The following TNIK variants were observed in gnomAD, a reference collection of about 807,000 sequenced individuals.
TNIK encodes TRAF2 and NCK interacting kinase.
Under a neutral mutation model 191.3 loss-of-function variants are expected in TNIK, and 49 were observed. The observed-to-expected ratio is 0.26, with a 90% CI of 0.20 to 0.32. The LOEUF is 0.32. Ranked by LOEUF, TNIK falls within the 10% of genes least tolerant of loss-of-function variation. The pLI is 1.00. For synonymous variants in TNIK, 594 were observed against 600.9 expected, an observed-to-expected ratio of 0.99 and a Z score of 0.17; for missense variants, 1,155 against 1,702.3, an observed-to-expected ratio of 0.68 and a Z score of 5.66.
At chr3:171,433,937 C>CTTTTTTTTTTTTTTTTT in intron 1 of TNIK, among the ~76,000 whole-genome samples, 1 of 71,114 alleles carries the variant, frequency 1.4e-5, no homozygotes, top group Non-Finnish European at 2.5e-5. Context: ...TTTCTTTTTC[C>CTTTTTTTTTTTTTTTTT]TTTTTTTTTT....
chr3:171,400,572 C>CAATAAGTAAATAAATAAATA (rs1553770009), intron 1 of TNIK, among the ~76,000 whole-genome samples: 1 of 145,744 alleles, frequency 6.9e-6, no homozygotes, highest in Non-Finnish European at 1.5e-5. Flanking sequence ...TCCTATCTCA[C>CAATAAGTAAATAAATAAATA]AATAAATAAA....
intron 18 of TNIK, among the ~76,000 whole-genome samples, chr3:171,117,736 C>T (rs150705749): frequency 0.02 from 3,092 of 152,078 alleles, 109 homozygotes; most frequent in African/African-American, 0.071. Context: ...TTTGGGAGGC[C>T]GAGACAGGTG....
At chr3:171,228,250 T>G in intron 2 of TNIK, 29 bp from the exon 3 acceptor site, 1 of 1,612,754 alleles carries the variant, frequency 6.2e-7, no homozygotes, top group Non-Finnish European at 8.5e-7. Context: ...AACAAAAGAT[T>G]TAGTTCTGAT....
rs576490802 is a variant in TNIK, at chr3:171,087,284, T to G, written c.2886+58A>C. ...AGCCTCATTCTTGAAGAGATCATGG[T>G]TTTAGAACCCCAGGAAGGACAGCAG... On this transcript the variant is annotated intron_variant, in intron 24 of 32. Coordinates refer to ENST00000436636, the MANE Select transcript of TNIK (RefSeq NM_015028.4). The G allele has an allele frequency of 2.9e-5, 46 of 1,603,314 alleles. No individual in the cohort carries two copies. In the African/African-American group the frequency reaches 5.3e-4, roughly 19 times the overall value.
intron 4 of TNIK, among the ~76,000 whole-genome samples, chr3:171,197,641 T>G (rs889767301): frequency 6.6e-6 from 1 of 152,216 alleles, no homozygotes; most frequent in East Asian, 1.9e-4. Context: ...TGGCTAACAA[T>G]GACATGTAGA....
At chr3:171,194,215 C>G (rs2108844356) in intron 5 of TNIK, among the ~76,000 whole-genome samples, 1 of 152,208 alleles carries the variant, frequency 6.6e-6, no homozygotes, top group East Asian at 1.9e-4. Flanking sequence ...TCTTTATGAT[C>G]TAAAATCAGG....
At chr3:171,180,801 A>C (rs772429777) in intron 7 of TNIK, among the ~76,000 whole-genome samples, 2 of 152,178 alleles carry the variant, frequency 1.3e-5, no homozygotes, top group Admixed American at 6.5e-5. Flanking sequence ...TTGAGTATTC[A>C]CCATTTTTCC....
At chr3:171,209,112 T>C (rs1363128328) in intron 4 of TNIK, among the ~76,000 whole-genome samples, 1 of 140,612 alleles carries the variant, frequency 7.1e-6, no homozygotes, top group African/African-American at 2.6e-5. Flanking sequence ...CCAACTGCCC[T>C]TAAGTTGGAC....
intron 18 of TNIK, among the ~76,000 whole-genome samples, chr3:171,113,343 C>T (rs150065112): frequency 9.9e-4 from 150 of 152,202 alleles, no homozygotes; most frequent in African/African-American, 3.0e-3. Context: ...CGGTGGCTCA[C>T]GCCTGTAATC....
chr3:171,100,394 G>A (rs1348958013), intron 22 of TNIK, among the ~76,000 whole-genome samples: 2 of 152,138 alleles, frequency 1.3e-5, no homozygotes, highest in African/African-American at 2.4e-5. Context: ...AGAATCGCTT[G>A]TATGTAATGA....
At chr3:171,142,248 C>A (rs1401797179) in intron 12 of TNIK, among the ~76,000 whole-genome samples, 2 of 152,174 alleles carry the variant, frequency 1.3e-5, no homozygotes, top group African/African-American at 4.8e-5. Context: ...AAGGCCTCCC[C>A]ATCATCCATG....
At chr3:171,211,892 T>C (rs190443715) in intron 3 of TNIK, among the ~76,000 whole-genome samples, 1 of 152,318 alleles carries the variant, frequency 6.6e-6, no homozygotes, top group East Asian at 1.9e-4. Flanking sequence ...TTTCTTAATA[T>C]TCAGGTTTCA....
At chr3:171,093,185 T>C (rs1722283015) in intron 23 of TNIK, among the ~76,000 whole-genome samples, 1 of 152,098 alleles carries the variant, frequency 6.6e-6, no homozygotes, top group African/African-American at 2.4e-5. Flanking sequence ...TTTGTCAGGG[T>C]CTTTCTGGTT....
At chr3:171,198,751 A>T (rs915238117) in intron 4 of TNIK, among the ~76,000 whole-genome samples, 7 of 152,198 alleles carry the variant, frequency 4.6e-5, no homozygotes, top group Non-Finnish European at 8.8e-5. Context: ...AAAGTTAAAG[A>T]AAGTCCCATT....
At chr3:171,258,787 G>A (rs769806152) in intron 2 of TNIK, among the ~76,000 whole-genome samples, 1 of 152,186 alleles carries the variant, frequency 6.6e-6, no homozygotes, top group Non-Finnish European at 1.5e-5. Context: ...AACTCTGGAA[G>A]TGGGGTTTAT....
At chr3:171,343,806 A>T (rs1393150052) in intron 2 of TNIK, among the ~76,000 whole-genome samples, 1 of 152,148 alleles carries the variant, frequency 6.6e-6, no homozygotes, top group Non-Finnish European at 1.5e-5. Flanking sequence ...TATCATCACA[A>T]CCAAGTAGGT....
At chr3:171,239,803 A>C (rs942834675) in intron 2 of TNIK, among the ~76,000 whole-genome samples, 3 of 152,212 alleles carry the variant, frequency 2.0e-5, no homozygotes, top group African/African-American at 7.2e-5. Context: ...ATTTGTCAGC[A>C]AACACATCCA....
At chr3:171,355,361 T>C (rs1185410372) in intron 2 of TNIK, among the ~76,000 whole-genome samples, 26 of 152,340 alleles carry the variant, frequency 1.7e-4, no homozygotes, top group African/African-American at 6.3e-4. Context: ...AGTTCTGAAG[T>C]ATTTGAAGTG....
intron 2 of TNIK, among the ~76,000 whole-genome samples, chr3:171,317,292 G>T (rs1307131507): frequency 6.6e-6 from 1 of 152,050 alleles, no homozygotes; most frequent in East Asian, 1.9e-4. Flanking sequence ...ACTACCATTT[G>T]TTGTTCTCTC....
Sources: allele counts gnomAD v4.1 joint callset (sites outside exome capture counted in the v4.1 genomes callset), GRCh38; gene constraint gnomAD v4.1.1; transcripts MANE v1.5; gene names NCBI Gene and HGNC (gene_info 2026-07-23, HGNC 2026-07-21).